BUD31: variants seen among roughly 807,000 people sequenced by gnomAD.
The protein encoded by BUD31 is BUD31 spliceosome associated protein, also known as protein BUD31 homolog.
In BUD31, 9 loss-of-function variants were observed where a neutral mutation model predicts 17.9. The ratio of observed to expected loss-of-function variants is 0.50; its 90% CI spans 0.30 to 0.88. The LOEUF (loss-of-function observed/expected upper bound fraction) is 0.88, where lower values mean the gene tolerates loss of function less well. Among genes scored for constraint, BUD31 ranks in the 40% least tolerant of loss-of-function variants. The pLI is 0.06. For missense variants in BUD31, 148 were observed against 184.5 expected (o/e 0.80, Z 1.15); for synonymous variants, 70 against 64.7 (o/e 1.08, Z -0.39).
chr7:99,410,670 T>C (rs1341073881), intron 2 of BUD31, among the ~76,000 whole-genome samples: 2 of 152,234 alleles, frequency 1.3e-5, no homozygotes, highest in Non-Finnish European at 2.9e-5. Context: ...GGGCAAAGGC[T>C]TAACTTTTGT....
At chr7:99,415,527 G>C (rs1338508717) in intron 3 of BUD31, among the ~76,000 whole-genome samples, 4 of 151,826 alleles carry the variant, frequency 2.6e-5, no homozygotes, top group Non-Finnish European at 5.9e-5. Flanking sequence ...GGGCCTGACT[G>C]ATGTCAGGCC....
At chr7:99,415,202 A>G (rs2060416522) in intron 3 of BUD31, 3 of 455,224 alleles carry the variant, frequency 6.6e-6, no homozygotes, top group Admixed American at 2.4e-5. Context: ...GCCAGGCTGC[A>G]CTGATATTTA....
chr7:99,414,760 T>C (rs1795320417), intron 3 of BUD31, among the ~76,000 whole-genome samples: 2 of 152,124 alleles, frequency 1.3e-5, no homozygotes, highest in South Asian at 4.2e-4. Flanking sequence ...CATGCCCTGC[T>C]AATTCTTTTG....
At chr7:99,414,213 C>T (rs1162421066) in intron 3 of BUD31, among the ~76,000 whole-genome samples, 1 of 151,518 alleles carries the variant, frequency 6.6e-6, no homozygotes, top group Non-Finnish European at 1.5e-5. Flanking sequence ...GATCTTGGCT[C>T]ACTGCAACCT....
Position 99,411,078 on chromosome 7 carries a change from T to G in BUD31, c.-15T>G, listed in dbSNP as rs1057030235. ...TTTTCCCCCAGATCTTTGCAGATTA[T>G]CCTGTGGAAGGAAAATGCCTAAAGT... On this transcript the variant is annotated 5_prime_UTR_variant, in exon 3 of 6. Transcript: ENST00000222969. 1.9e-6 allele frequency: 3 copies of G among 1,610,564 alleles called. No homozygotes were observed. Among genetic ancestry groups the G allele is most frequent in the Non-Finnish European group, 2.5e-6 (3 of 1,177,036 alleles).
Position 99,413,843 on chromosome 7 carries a change from C to T in BUD31, c.95-2295C>T, listed in dbSNP as rs143219804. Among the ~76,000 whole-genome samples, 852 of 152,322 alleles carry T rather than the reference C, an allele frequency of 5.6e-3. 6 individuals are homozygous for T. Among genetic ancestry groups the T allele is most frequent in the African/African-American group, 0.02 (820 of 41,580 alleles). On this transcript the variant is annotated intron_variant, in intron 3 of 5. Coordinates refer to ENST00000222969, the MANE Select transcript of BUD31 (RefSeq NM_003910.4). The stretch of plus-strand genomic sequence containing the variant: ...CTGACCTCAAGTGATCCACCCACCT[C>T]GGCCTCCAAAAGTGCTGGGATTACA...
At chr7:99,415,391 A>G (rs999420725) in intron 3 of BUD31, 5 of 406,560 alleles carry the variant, frequency 1.2e-5, no homozygotes, top group Admixed American at 2.9e-5. Context: ...TACTTTCACT[A>G]ATTTGCTATT....
At position 99,411,088 on chromosome 7, in the gene BUD31, G is replaced by A. The variant is rs1795164992; in HGVS notation, c.-5G>A. 1 of 1,613,594 alleles carries A rather than the reference G, an allele frequency of 6.2e-7. No homozygotes were observed. Among genetic ancestry groups the A allele is most frequent in the Non-Finnish European group, 8.5e-7 (1 of 1,179,616 alleles). ...GATCTTTGCAGATTATCCTGTGGAA[G>A]GAAAATGCCTAAAGTCAAAAGAAGC... On this transcript the variant is annotated 5_prime_UTR_variant, in exon 3 of 6. Transcript: ENST00000222969.
At chr7:99,415,575 T>TC (rs1230171971) in intron 3 of BUD31, among the ~76,000 whole-genome samples, 1 of 151,708 alleles carries the variant, frequency 6.6e-6, no homozygotes, top group Non-Finnish European at 1.5e-5. Flanking sequence ...TTCTCTAAAC[T>TC]CCCCCGGGGA....
chr7:99,410,996 C>T (rs1795159216), intron 2 of BUD31, 68 bp from the exon 3 acceptor site: 15 of 1,059,062 alleles, frequency 1.4e-5, no homozygotes, highest in South Asian at 4.2e-5. Context: ...CAGCCTGTAC[C>T]GAAATAATGG....
chr7:99,419,160 A>C lies in BUD31; in HGVS notation c.385-231A>C, dbSNP rs2150941939. ...ATTGGCAAACGTGTGTTGGATTTGC[A>C]GAACATATTATAAATAGACATACAG... On this transcript the variant is annotated intron_variant, in intron 5 of 5. Coordinates refer to ENST00000222969, the MANE Select transcript of BUD31 (RefSeq NM_003910.4). 3 of 569,858 alleles carry C rather than the reference A, an allele frequency of 5.3e-6. No homozygotes were observed. The Admixed American group carries it at 9.4e-5, about 18-fold the overall frequency. 35.3% of individuals were successfully genotyped at this position (569,858 alleles called of 1,614,324 possible).
At chr7:99,415,095 CGA>C (rs997214617) in intron 3 of BUD31, 1 of 406,378 alleles carries the variant, frequency 2.5e-6, no homozygotes, top group Non-Finnish European at 4.9e-6. Flanking sequence ...TGTGTGGAGA[CGA>C]GAGAGCGTAG....
chr7:99,412,506 G>GT (rs2150921069), intron 3 of BUD31, among the ~76,000 whole-genome samples: 1 of 152,298 alleles, frequency 6.6e-6, no homozygotes, highest in African/African-American at 2.4e-5. Flanking sequence ...ACAGCTCACT[G>GT]AAGCCTCCAC....
intron 3 of BUD31, among the ~76,000 whole-genome samples, chr7:99,413,191 G>A (rs1795257484): frequency 6.6e-6 from 1 of 152,058 alleles, no homozygotes; most frequent in Non-Finnish European, 1.5e-5. Context: ...CTAGGTAATA[G>A]AATGGCTTAA....
chr7:99,416,510 C>G (rs982430960), intron 4 of BUD31, among the ~76,000 whole-genome samples: 1 of 150,610 alleles, frequency 6.6e-6, no homozygotes, highest in African/African-American at 2.4e-5. Flanking sequence ...AGCTCCACTT[C>G]CTGGGTTCAA....
At chr7:99,411,826 C>T in intron 3 of BUD31, 1 of 410,418 alleles carries the variant, frequency 2.4e-6, no homozygotes, top group Admixed American at 2.8e-5. Context: ...TGCCTCTCAG[C>T]CTCTCGAGTA....
rs761565625 is a variant in BUD31 at position 99,416,151 on chromosome 7, G to A, written c.108G>A (p.Pro36=). Residue 36 remains proline (P), a synonymous_variant, in exon 4 of 6, where the codon CCG becomes CCA. Transcript: ENST00000222969. ...DQKMREAETE[P]HEGKRKVESL... ...GTTTCTCCCCAGCTGAAACAGAACC[G>A]CATGAGGGAAAGAGGAAAGTGGAAT... The A allele has an allele frequency of 9.9e-6, 16 of 1,613,294 alleles. No homozygotes were observed. Among genetic ancestry groups the A allele is most frequent in the African/African-American group, 4.0e-5 (3 of 74,854 alleles).
chr7:99,409,769 C>CGGGGGGGGGGGGGGGGGGGGGGGG (rs370621425), intron 1 of BUD31, among the ~76,000 whole-genome samples: 1 of 48,716 alleles, frequency 2.1e-5, no homozygotes, highest in Non-Finnish European at 4.9e-5. Flanking sequence ...GCTCTGTGGG[C>CGGGGGGGGGGGGGGGGGGGGGGGG]GGGGGGGGGG....
Position 99,416,134 on chromosome 7 carries a change from C to G in BUD31, c.95-4C>G. 6.2e-7 allele frequency: 1 copy of G among 1,613,204 alleles called. No individual in the cohort carries two copies. The highest frequency in any genetic ancestry group is 8.5e-7 in the Non-Finnish European group (1 of 1,179,372). ...CCCCAAACACACTCTTTGTTTCTCC[C>G]CAGCTGAAACAGAACCGCATGAGGG... On this transcript the variant is annotated splice_region_variant and splice_polypyrimidine_tract_variant and intron_variant, in intron 3 of 5. Transcript: ENST00000222969.
Sources: gnomAD v4.1 joint callset for allele counts (sites outside exome capture counted in the v4.1 genomes callset) on GRCh38, gnomAD v4.1.1 for gene constraint, MANE v1.5 for transcripts, NCBI Gene and HGNC (gene_info 2026-07-23, HGNC 2026-07-21) for gene names.